The following SYN2 variants were observed in gnomAD, a reference collection of about 807,000 sequenced individuals.
SYN2 encodes the protein synapsin-2.
A neutral mutation model predicts 50.9 loss-of-function variants in SYN2; 19 were observed. That is an observed-to-expected ratio of 0.37 (90% CI 0.26 to 0.55). SYN2 has a LOEUF of 0.55. Among genes scored for constraint, SYN2 ranks in the 20% least tolerant of loss-of-function variants. The pLI is 0.81. For missense variants in SYN2, 587 were observed against 576.4 expected (o/e 1.02, Z -0.19); for synonymous variants, 255 against 224.9 (o/e 1.13, Z -1.20).
chr3:12,097,525 G>C (rs559584837), intron 1 of SYN2, among the ~76,000 whole-genome samples: 33 of 150,790 alleles, frequency 2.2e-4, no homozygotes, highest in Middle Eastern at 3.5e-3. Context: ...AGAATGGTGT[G>C]AACCCACAAG....
At chr3:12,046,739 A>T (rs1185427913) in intron 1 of SYN2, among the ~76,000 whole-genome samples, 2 of 152,136 alleles carry the variant, frequency 1.3e-5, no homozygotes, top group African/African-American at 4.8e-5. Context: ...GGAATAATAT[A>T]AGAAATATTT....
At chr3:12,132,228 T>C (rs1696812079) in intron 1 of SYN2, among the ~76,000 whole-genome samples, 1 of 152,042 alleles carries the variant, frequency 6.6e-6, no homozygotes, top group Non-Finnish European at 1.5e-5. Flanking sequence ...TATAAACATT[T>C]CATGTGTCAA....
At chr3:12,056,897 A>G (rs940478030) in intron 1 of SYN2, among the ~76,000 whole-genome samples, 1 of 152,202 alleles carries the variant, frequency 6.6e-6, no homozygotes, top group Non-Finnish European at 1.5e-5. Flanking sequence ...GGAAACATGT[A>G]TATTCTCACC....
rs1449636227 is a variant in SYN2 at position 12,092,555 on chromosome 3, A to G, written c.378-48096A>G. Among the ~76,000 whole-genome samples, 5 of 152,222 alleles carry G rather than the reference A, an allele frequency of 3.3e-5. No individual in the cohort carries two copies. In the East Asian group the frequency reaches 9.6e-4, roughly 29 times the overall value. ...AGACAAAGGAACTATTATTCCAAGC[A>G]GATCTTTCTGAGCTTCTGTGAATTC... On this transcript the variant is annotated intron_variant, in intron 1 of 12. Coordinates refer to ENST00000621198, the MANE Select transcript of SYN2 (RefSeq NM_133625.6).
intron 1 of SYN2, among the ~76,000 whole-genome samples, chr3:12,077,415 A>G (rs71304085): frequency 0.093 from 14,117 of 152,174 alleles, 783 homozygotes; most frequent in East Asian, 0.17. Flanking sequence ...CTATCAACCC[A>G]TCACCTAGGT....
At chr3:12,076,514 G>C (rs997158680) in intron 1 of SYN2, among the ~76,000 whole-genome samples, 1 of 151,240 alleles carries the variant, frequency 6.6e-6, no homozygotes, top group African/African-American at 2.4e-5. Context: ...CTTTTTATCC[G>C]TCATTACTAG....
intron 1 of SYN2, among the ~76,000 whole-genome samples, chr3:12,127,134 G>A (rs1272575349): frequency 6.6e-6 from 1 of 152,302 alleles, no homozygotes; most frequent in East Asian, 1.9e-4. Context: ...AACACTAGGG[G>A]TAAAAATGAA....
Position 12,145,676 on chromosome 3 carries a change from C to T in SYN2, c.528-3C>T. On this transcript the variant is annotated splice_region_variant and splice_polypyrimidine_tract_variant and intron_variant, in intron 3 of 12. Transcript: ENST00000621198. ...GGCAAACCTGCCTCTACCTTCTCAC[C>T]AGGTCCTTCCGGCCAGACTTCGTGC... 2 of 1,613,782 alleles carry T rather than the reference C, an allele frequency of 1.2e-6. No homozygotes were observed. Among genetic ancestry groups the T allele is most frequent in the Non-Finnish European group, 1.7e-6 (2 of 1,179,714 alleles).
At chr3:12,045,993 A>G (rs1383960822) in intron 1 of SYN2, among the ~76,000 whole-genome samples, 1 of 152,204 alleles carries the variant, frequency 6.6e-6, no homozygotes, top group Non-Finnish European at 1.5e-5. Context: ...ATTCATTCTC[A>G]AAGGAACCCA....
At chr3:12,097,335 GGT>G (rs1559418465) in intron 1 of SYN2, among the ~76,000 whole-genome samples, 1 of 152,090 alleles carries the variant, frequency 6.6e-6, no homozygotes, top group East Asian at 1.9e-4. Context: ...GGCCGGGTGC[GGT>G]GGCTAATGCT....
chr3:12,077,023 A>G (rs1695481028), intron 1 of SYN2, among the ~76,000 whole-genome samples: 1 of 152,120 alleles, frequency 6.6e-6, no homozygotes, highest in South Asian at 2.1e-4. Context: ...GAAGTGTTGG[A>G]AGTGGAGTTA....
At chr3:12,070,629 A>G (rs1483115516) in intron 1 of SYN2, 40 of 1,374,110 alleles carry the variant, frequency 2.9e-5, no homozygotes, top group Non-Finnish European at 3.6e-5. Context: ...CACCCTGTCC[A>G]TGTACGTGGC....
At chr3:12,182,532 T>A (rs1295986468) in intron 10 of SYN2, among the ~76,000 whole-genome samples, 2 of 152,172 alleles carry the variant, frequency 1.3e-5, no homozygotes, top group Non-Finnish European at 2.9e-5. Context: ...GGAGCCATGC[T>A]GTTGGGTTAA....
At chr3:12,010,739 A>G (rs759484629) in intron 1 of SYN2, among the ~76,000 whole-genome samples, 2 of 152,194 alleles carry the variant, frequency 1.3e-5, no homozygotes, top group African/African-American at 4.8e-5. Flanking sequence ...ATTTTTTTCT[A>G]TATGGTAATG....
In SYN2 at chr3:12,183,389, T is replaced by G. The variant is rs1698267102; in HGVS notation, c.1369+17T>G. On this transcript the variant is annotated intron_variant, in intron 11 of 12. Coordinates refer to ENST00000621198, the MANE Select transcript of SYN2 (RefSeq NM_133625.6). ...CCCCTCAAGGTTGTTTACAGTATAT[T>G]CTCGACTGTAATGGCATTGCAGTAG... is the stretch of plus-strand genomic sequence containing the variant. 6.2e-7 allele frequency: 1 copy of G among 1,613,886 alleles called. No homozygotes were observed. Among genetic ancestry groups the G allele is most frequent in the Non-Finnish European group, 8.5e-7 (1 of 1,179,864 alleles).
At chr3:12,106,139 G>A (rs1574943677) in intron 1 of SYN2, among the ~76,000 whole-genome samples, 1 of 152,238 alleles carries the variant, frequency 6.6e-6, no homozygotes, top group African/African-American at 2.4e-5. Context: ...CCCTGTTTCC[G>A]TGATAGCTTT....
chr3:12,032,856 C>T lies in SYN2; in HGVS notation c.377+27928C>T, dbSNP rs1298433578. 4.6e-3 allele frequency among the ~76,000 whole-genome samples: 362 copies of T among 79,228 alleles called. 4 individuals are homozygous for T. Among genetic ancestry groups the T allele is most frequent in the Non-Finnish European group, 7.2e-3 (290 of 40,012 alleles). The allele number at this position is 79,228 out of a possible 152,430, so 52.0% of individuals were successfully genotyped here. A position where few individuals can be genotyped will look rare whatever the true frequency, so the allele number is the denominator to read the frequency against. ...CTCCCGTAGCTCAGAGTAATTTGAT[C>T]GTCTGAAGCCTTCTTCTCTCAGCTC... On this transcript the variant is annotated intron_variant, in intron 1 of 12. Transcript: ENST00000621198.
At chr3:12,038,552 T>A (rs1454215478) in intron 1 of SYN2, among the ~76,000 whole-genome samples, 1 of 152,136 alleles carries the variant, frequency 6.6e-6, no homozygotes, top group Non-Finnish European at 1.5e-5. Flanking sequence ...GAACACAGAT[T>A]TTTTTCATTT....
At chr3:12,077,378 A>G (rs994005031) in intron 1 of SYN2, among the ~76,000 whole-genome samples, 6 of 152,030 alleles carry the variant, frequency 3.9e-5, no homozygotes, top group African/African-American at 1.5e-4. Context: ...TACATAGGTA[A>G]ACATGTGCCA....
Sources: allele counts gnomAD v4.1 joint callset (sites outside exome capture counted in the v4.1 genomes callset), GRCh38; gene constraint gnomAD v4.1.1; transcripts MANE v1.5; gene names NCBI Gene and HGNC (gene_info 2026-07-23, HGNC 2026-07-21).